Variants in PICALM observed in about 807,000 individuals in gnomAD.
PICALM encodes phosphatidylinositol-binding clathrin assembly protein.
A neutral mutation model predicts 80.5 loss-of-function variants in PICALM; 40 were observed. The ratio of observed to expected loss-of-function variants is 0.50; its 90% CI spans 0.39 to 0.65. The LOEUF is 0.65. PICALM is among the 30% of genes least tolerant of loss of function. PICALM has a pLI of 0.00. For synonymous variants in PICALM, 288 were observed against 260.3 expected (o/e 1.11, Z -1.02); for missense variants, 676 against 778.9 (o/e 0.87, Z 1.57).
chr11:85,990,748 G>C (rs2094744281), intron 12 of PICALM, among the ~76,000 whole-genome samples: 1 of 152,152 alleles, frequency 6.6e-6, no homozygotes, highest in South Asian at 2.1e-4. Flanking sequence ...TGGTGGTATA[G>C]CTGTGTTTAC....
At chr11:86,000,292 T>C (rs1008758888) in intron 11 of PICALM, among the ~76,000 whole-genome samples, 4 of 152,208 alleles carry the variant, frequency 2.6e-5, no homozygotes, top group African/African-American at 9.7e-5. Flanking sequence ...TATTTTGAAA[T>C]ATATATCATA....
chr11:86,025,060 T>C (rs2136594406), intron 3 of PICALM, among the ~76,000 whole-genome samples: 1 of 152,304 alleles, frequency 6.6e-6, no homozygotes, highest in East Asian at 1.9e-4. Context: ...ATTAAGACAA[T>C]GTGCATGGAC....
At chr11:86,048,565 G>A (rs996896237) in intron 1 of PICALM, among the ~76,000 whole-genome samples, 6 of 152,104 alleles carry the variant, frequency 3.9e-5, no homozygotes, top group African/African-American at 1.4e-4. Context: ...CGGGTGCAGT[G>A]GCTCACACCT....
chr11:86,007,811 T>C (rs2095309571), intron 7 of PICALM, among the ~76,000 whole-genome samples: 1 of 152,064 alleles, frequency 6.6e-6, no homozygotes, highest in African/African-American at 2.4e-5. Context: ...AGTCAACAAA[T>C]CTAAGTTACC....
chr11:86,004,285 A>G (rs900784834), intron 8 of PICALM, among the ~76,000 whole-genome samples: 2 of 152,182 alleles, frequency 1.3e-5, no homozygotes, highest in Non-Finnish European at 2.9e-5. Context: ...CTCAAACAAT[A>G]CGATGAGCAA....
At chr11:86,061,353 A>G (rs1462569737) in intron 1 of PICALM, among the ~76,000 whole-genome samples, 1 of 148,158 alleles carries the variant, frequency 6.7e-6, no homozygotes, top group Non-Finnish European at 1.5e-5. Flanking sequence ...AAAAAAAAAA[A>G]AAGAAAAGAA....
intron 1 of PICALM, among the ~76,000 whole-genome samples, chr11:86,062,772 TAC>T (rs2096388185): frequency 6.6e-6 from 1 of 152,190 alleles, no homozygotes; most frequent in Non-Finnish European, 1.5e-5. Flanking sequence ...ATGATTCACA[TAC>T]ACAGTGAACA....
At chr11:86,029,678 G>A (rs2095714819) in intron 2 of PICALM, among the ~76,000 whole-genome samples, 1 of 152,066 alleles carries the variant, frequency 6.6e-6, no homozygotes, top group African/African-American at 2.4e-5. Flanking sequence ...GGTTATATTT[G>A]TGGCTTTTTC....
chr11:86,060,984 T>C (rs2096352628), intron 1 of PICALM, among the ~76,000 whole-genome samples: 2 of 152,092 alleles, frequency 1.3e-5, no homozygotes, highest in African/African-American at 2.4e-5. Context: ...AAAGGCATTG[T>C]CAAGAGAATG....
At chr11:85,962,791 A>G (rs1026095111) in intron 19 of PICALM, among the ~76,000 whole-genome samples, 1 of 152,242 alleles carries the variant, frequency 6.6e-6, no homozygotes, top group Non-Finnish European at 1.5e-5. Flanking sequence ...ATCTGTATCA[A>G]GCGGATGAAA....
intron 13 of PICALM, 28 bp downstream of exon 13, chr11:85,990,222 T>C (rs751287510): frequency 6.9e-6 from 10 of 1,443,172 alleles, no homozygotes; most frequent in Admixed American, 1.8e-5. Context: ...AAACATTGAT[T>C]GGAAAAAAAG....
intron 3 of PICALM, among the ~76,000 whole-genome samples, chr11:86,025,426 C>A (rs375403083): frequency 6.6e-6 from 1 of 151,702 alleles, no homozygotes. Flanking sequence ...AAAATAGCTA[C>A]GAATATGAAG....
intron 1 of PICALM, among the ~76,000 whole-genome samples, chr11:86,063,683 G>T (rs1368907523): frequency 6.6e-6 from 1 of 152,116 alleles, no homozygotes; most frequent in Non-Finnish European, 1.5e-5. Flanking sequence ...CATTTGACAT[G>T]TGTGATCAAA....
intron 19 of PICALM, among the ~76,000 whole-genome samples, chr11:85,965,083 T>C (rs1308780072): frequency 6.6e-6 from 1 of 152,184 alleles, no homozygotes; most frequent in Non-Finnish European, 1.5e-5. Flanking sequence ...AAAACTCTTG[T>C]TTAAATTTGG....
At chr11:86,041,313 A>G (rs1337346204) in intron 1 of PICALM, among the ~76,000 whole-genome samples, 1 of 152,224 alleles carries the variant, frequency 6.6e-6, no homozygotes, top group Non-Finnish European at 1.5e-5. Flanking sequence ...GGAAAAAAAT[A>G]TATTAGCAAT....
intron 4 of PICALM, among the ~76,000 whole-genome samples, chr11:86,016,317 C>A (rs992473964): frequency 2.6e-4 from 39 of 151,892 alleles, no homozygotes; most frequent in African/African-American, 9.4e-4. Context: ...AGAACAACAA[C>A]AAAAAAAGGT....
intron 1 of PICALM, among the ~76,000 whole-genome samples, chr11:86,046,935 G>A (rs1053586575): frequency 2.0e-5 from 3 of 152,186 alleles, no homozygotes; most frequent in African/African-American, 7.2e-5. Context: ...ACCGTGCTTG[G>A]CCAAGATTTC....
intron 11 of PICALM, among the ~76,000 whole-genome samples, chr11:85,997,425 T>C (rs2095003540): frequency 6.6e-6 from 1 of 152,204 alleles, no homozygotes; most frequent in Non-Finnish European, 1.5e-5. Flanking sequence ...CATGCATTTA[T>C]GAATAGAGCC....
chr11:86,045,061 C>T (rs1160219886), intron 1 of PICALM, among the ~76,000 whole-genome samples: 4 of 152,068 alleles, frequency 2.6e-5, no homozygotes, highest in Admixed American at 2.6e-4. Flanking sequence ...GGATGTAGCA[C>T]CAAATAATAA....
Sources: gnomAD v4.1 joint callset for allele counts (sites outside exome capture counted in the v4.1 genomes callset) on GRCh38, gnomAD v4.1.1 for gene constraint, MANE v1.5 for transcripts, NCBI Gene and HGNC (gene_info 2026-07-23, HGNC 2026-07-21) for gene names.